Variants in RTTN observed in about 807,000 individuals in gnomAD.
The protein encoded by RTTN is rotatin.
In RTTN, 182 loss-of-function variants were observed where a neutral mutation model predicts 269.2. That is an observed-to-expected ratio of 0.68 (90% CI 0.60 to 0.76). RTTN has a LOEUF of 0.76. Among genes scored for constraint, RTTN ranks in the 30% least tolerant of loss-of-function variants. RTTN has a pLI of 0.00. For missense variants in RTTN, 2,545 were observed against 2,608.6 expected (o/e 0.98, Z 0.53); for synonymous variants, 1,006 against 963.5 (o/e 1.04, Z -0.82).
Position 70,092,804 on chromosome 18 carries a change from C to T in RTTN, c.3904G>A (p.Val1302Ile). The T allele has an allele frequency of 3.7e-6, 6 of 1,600,534 alleles. No homozygotes were observed. The highest frequency in any genetic ancestry group is 5.1e-6 in the Non-Finnish European group (6 of 1,170,328). ...CGCTCCACATAAAAAGAAGTAATGA[C>T]CTGAAAAACAAATGTAAACAATTTC... Reference protein sequence around the residue: ...CVKYLSGLLEVITSFYVERGG... With the variant: ...CVKYLSGLLEIITSFYVERGG... Residue 1302 changes from valine (V) to isoleucine (I), a missense_variant and splice_region_variant, in exon 29 of 49, where the codon GTC becomes ATC. By Grantham distance (29) the Val-to-Ile change is conservative. Transcript: ENST00000640769.
In RTTN at chr18:70,075,528, T is replaced by C. The variant is rs2058405859; in HGVS notation, c.4388A>G (p.His1463Arg). Residue 1463 changes from histidine to arginine, a missense_variant, in exon 33 of 49, where the codon CAT (histidine) becomes CGT (arginine). Coordinates refer to ENST00000640769, the MANE Select transcript of RTTN (RefSeq NM_173630.4). ...KDYTWQGPCV[H>R]DEDSGLSLIG... ...GAGCGATAGGCCAGAGTCCTCATCA[T>C]GAACACAGGGACCCTGTAGGAAGAG... 3 of 1,578,926 alleles carry C rather than the reference T, an allele frequency of 1.9e-6. No individual in the cohort carries two copies. Among genetic ancestry groups the C allele is most frequent in the Non-Finnish European group, 2.6e-6 (3 of 1,167,934 alleles).
chr18:70,065,179 G>A (rs1166408042), intron 35 of RTTN, among the ~76,000 whole-genome samples: 1 of 150,412 alleles, frequency 6.6e-6, no homozygotes, highest in African/African-American at 2.4e-5. Context: ...ATGTATGCCA[G>A]TGTTTAAAAT....
intron 40 of RTTN, among the ~76,000 whole-genome samples, chr18:70,035,391 C>T (rs1220352317): frequency 6.6e-6 from 1 of 151,988 alleles, no homozygotes; most frequent in African/African-American, 2.4e-5. Context: ...GAATACAGAG[C>T]CTAGAAATAA....
chr18:70,075,315 T>A (rs1214150102), intron 33 of RTTN, 37 bp downstream of exon 33: 1 of 1,382,862 alleles, frequency 7.2e-7, no homozygotes, highest in Non-Finnish European at 9.8e-7. Flanking sequence ...ACAAGTTACA[T>A]ATTACAAAAA....
chr18:70,017,752 T>A, intron 45 of RTTN, 78 bp from the exon 46 acceptor site: 1 of 1,149,410 alleles, frequency 8.7e-7, no homozygotes, highest in Non-Finnish European at 1.2e-6. Context: ...ACCAATTAAC[T>A]AACATTCTGA....
Position 70,004,016 on chromosome 18 carries a change from T to C in RTTN, c.*135A>G. 1.6e-6 allele frequency: 1 copy of C among 614,930 alleles called. No individual in the cohort carries two copies. Among genetic ancestry groups the C allele is most frequent in the Non-Finnish European group, 2.9e-6 (1 of 347,616 alleles). The allele number at this position is 614,930 out of a possible 1,614,324, so 38.1% of individuals were successfully genotyped here. On this transcript the variant is annotated 3_prime_UTR_variant, in exon 49 of 49. Transcript: ENST00000640769. ...GTTGGAGTATCACCAGTTCTCTCTC[T>C]CATGGGAAAGAAGGGGATCAACACT...
chr18:70,038,565 A>G (rs2144692774), intron 40 of RTTN, among the ~76,000 whole-genome samples: 1 of 152,330 alleles, frequency 6.6e-6, no homozygotes, highest in South Asian at 2.1e-4. Context: ...CTTAAGGTCC[A>G]ATTCCCTTGG....
At chr18:70,008,162 G>C (rs1199469429) in intron 46 of RTTN, 2 of 152,262 alleles carry the variant, frequency 1.3e-5, no homozygotes, top group Non-Finnish European at 2.9e-5. Context: ...CTGCAGCAGA[G>C]AGGCCCGTTA....
intron 35 of RTTN, among the ~76,000 whole-genome samples, chr18:70,060,450 ATTTT>A (rs1219083615): frequency 6.6e-6 from 1 of 152,108 alleles, no homozygotes; most frequent in African/African-American, 2.4e-5. Flanking sequence ...AAATCTTACT[ATTTT>A]TATTATTTTT....
At chr18:70,098,996 TA>T (rs1217468565) in intron 28 of RTTN, among the ~76,000 whole-genome samples, 1 of 152,214 alleles carries the variant, frequency 6.6e-6, no homozygotes, top group Non-Finnish European at 1.5e-5. Context: ...GGCTGCATAG[TA>T]TTACATGGTG....
At chr18:70,092,571 A>AAAAAAAAAAAAAAAAAAAAAAT in intron 29 of RTTN, 105 bp downstream of exon 29, 1 of 1,313,596 alleles carries the variant, frequency 7.6e-7, no homozygotes, top group African/African-American at 1.5e-5. Flanking sequence ...GAAAAGTCAA[A>AAAAAAAAAAAAAAAAAAAAAAT]AGAGACATTT....
Position 70,180,539 on chromosome 18 carries a change from G to A in RTTN, c.1306-3694C>T, listed in dbSNP as rs190975467. ...GGAGGTTGCAGTGAGTCAAGATCAC[G>A]CCACTGCCCTCCAGCCTGGACAACA... On this transcript the variant is annotated intron_variant, in intron 10 of 48. Transcript: ENST00000640769. 6.2e-3 allele frequency among the ~76,000 whole-genome samples: 904 copies of A among 146,488 alleles called. 2 individuals carry two copies. Among genetic ancestry groups the A allele is most frequent in the Middle Eastern group, 0.011 (3 of 270 alleles).
intron 32 of RTTN, among the ~76,000 whole-genome samples, chr18:70,076,314 A>T (rs1177293160): frequency 6.6e-6 from 1 of 152,084 alleles, no homozygotes; most frequent in African/African-American, 2.4e-5. Context: ...AAAACAGGCC[A>T]TAAGAGAGAG....
chr18:70,181,219 G>A (rs573071802), intron 10 of RTTN, among the ~76,000 whole-genome samples: 1 of 152,136 alleles, frequency 6.6e-6, no homozygotes, highest in Non-Finnish European at 1.5e-5. Context: ...GAATTTAGAA[G>A]CAATGAGTCA....
At chr18:70,193,216 T>A in intron 8 of RTTN, 72 bp downstream of exon 8, 29 of 1,128,488 alleles carry the variant, frequency 2.6e-5, no homozygotes, top group Non-Finnish European at 3.4e-5. Context: ...AATAATTATC[T>A]CCTTCTGAAA....
rs781084445 is a variant in RTTN at position 70,134,461 on chromosome 18, T to A, written c.2954+12A>T. On this transcript the variant is annotated intron_variant, in intron 23 of 48. Coordinates refer to ENST00000640769, the MANE Select transcript of RTTN (RefSeq NM_173630.4). Reference sequence around the variant, plus strand: ...TCGTCCTTCAAGAAAATCAGAGAAATAAATCCTTTACCTTCTAAAAACGGA... The same window carrying A: ...TCGTCCTTCAAGAAAATCAGAGAAAAAAATCCTTTACCTTCTAAAAACGGA... The A allele has an allele frequency of 6.3e-7, 1 of 1,580,184 alleles. No homozygotes were observed. The highest frequency in any genetic ancestry group is 1.4e-5 in the African/African-American group (1 of 73,568).
intron 24 of RTTN, chr18:70,128,088 G>C (rs948206261): frequency 3.8e-5 from 16 of 421,936 alleles, no homozygotes; most frequent in African/African-American, 3.0e-4. Flanking sequence ...CCTTTTCCTA[G>C]TGATTCATAT....
intron 2 of RTTN, 22 bp downstream of exon 2, chr18:70,205,106 C>T (rs188876655): frequency 3.1e-6 from 5 of 1,601,520 alleles, no homozygotes; most frequent in Non-Finnish European, 4.3e-6. Context: ...TGATTATTTT[C>T]TTTATTTCAA....
Position 70,041,138 on chromosome 18 carries a change from G to T in RTTN, c.5541+6833C>A, listed in dbSNP as rs1171143127. Among the ~76,000 whole-genome samples, 5 of 152,120 alleles carry T rather than the reference G, an allele frequency of 3.3e-5. No homozygotes were observed. The Middle Eastern group carries it at 0.01, about 310-fold the overall frequency. On this transcript the variant is annotated intron_variant, in intron 40 of 48. Coordinates refer to ENST00000640769, the MANE Select transcript of RTTN (RefSeq NM_173630.4). The stretch of plus-strand genomic sequence containing the variant: ...CAGGAGAATCACTTGAACTTGGGAG[G>T]CAGAGGTTGCAGTGAGCTGAGATCG...
Sources: gnomAD v4.1 joint callset for allele counts (sites outside exome capture counted in the v4.1 genomes callset) on GRCh38, gnomAD v4.1.1 for gene constraint, MANE v1.5 for transcripts, NCBI Gene and HGNC (gene_info 2026-07-23, HGNC 2026-07-21) for gene names.